WWOX: variants seen among roughly 807,000 people sequenced by gnomAD.
The protein encoded by WWOX is WW domain-containing oxidoreductase.
In WWOX, 69 loss-of-function variants were observed where a neutral mutation model predicts 46.2. The observed-to-expected ratio is 1.49, with a 90% CI of 1.23 to 1.82. The LOEUF is 1.82. WWOX is among the 40% of genes most tolerant of loss of function. The pLI, the probability that WWOX is intolerant of heterozygous loss-of-function variation, is 0.00. For missense variants in WWOX, 919 were observed against 542.6 expected (o/e 1.69, Z -6.89); for synonymous variants, 359 against 202.6 (o/e 1.77, Z -6.56).
chr16:79,096,245 A>G lies in WWOX; in HGVS notation c.1057-115363A>G, dbSNP rs77060075. On this transcript the variant is annotated intron_variant, in intron 8 of 8. Transcript: ENST00000566780. ...CAGTTCTTTCTCCACGGAGAACCAG[A>G]ATCTCCTTTGAAAATATGTTAGATC... 4.1e-4 allele frequency among the ~76,000 whole-genome samples: 62 copies of G among 151,948 alleles called. No homozygotes were observed. In the East Asian group the frequency reaches 0.011, roughly 28 times the overall value.
chr16:78,354,103 G>C (rs1226243333), intron 5 of WWOX, among the ~76,000 whole-genome samples: 1 of 152,164 alleles, frequency 6.6e-6, no homozygotes, highest in Non-Finnish European at 1.5e-5. Context: ...AAGGCTGTTT[G>C]CAGTAGTTCC....
chr16:78,875,117 G>A (rs527817797), intron 8 of WWOX, among the ~76,000 whole-genome samples: 1 of 152,234 alleles, frequency 6.6e-6, no homozygotes, highest in Admixed American at 6.5e-5. Context: ...TCTGAAGAGG[G>A]TCTCGGGCTG....
At chr16:78,892,891 G>T (rs542013997) in intron 8 of WWOX, among the ~76,000 whole-genome samples, 96 of 152,266 alleles carry the variant, frequency 6.3e-4, no homozygotes, top group Non-Finnish European at 1.2e-3. Context: ...TATCTCCTAC[G>T]CCAAGTCCTA....
chr16:78,943,966 A>T lies in WWOX; in HGVS notation c.1057-267642A>T, dbSNP rs75729981. ...TGGTTTTCTGTTGTCAGAAGAGTTC[A>T]TTTTCAGGTCCTTCACCAGATATTT... On this transcript the variant is annotated intron_variant, in intron 8 of 8. Transcript: ENST00000566780. Among the ~76,000 whole-genome samples, 1,485 of 152,270 alleles carry T rather than the reference A, an allele frequency of 9.8e-3. 22 individuals carry two copies. Among genetic ancestry groups the T allele is most frequent in the African/African-American group, 0.035 (1,434 of 41,552 alleles).
chr16:78,465,157 G>A (rs2667517), intron 8 of WWOX, among the ~76,000 whole-genome samples: 53,886 of 152,142 alleles, frequency 0.35, 12,981 homozygotes, highest in African/African-American at 0.7. Flanking sequence ...ACACATGGGA[G>A]TTCTGGGAAC....
intron 8 of WWOX, among the ~76,000 whole-genome samples, chr16:78,441,781 A>G (rs1047389015): frequency 6.6e-6 from 1 of 152,150 alleles, no homozygotes; most frequent in East Asian, 1.9e-4. Flanking sequence ...ACAGTGTGCT[A>G]GATGCTTAAG....
intron 8 of WWOX, among the ~76,000 whole-genome samples, chr16:78,852,838 C>T (rs952019611): frequency 1.3e-5 from 2 of 152,176 alleles, no homozygotes; most frequent in Non-Finnish European, 2.9e-5. Flanking sequence ...CATTTGTGGG[C>T]AGAAACTTTT....
At chr16:78,931,177 T>C (rs1411365950) in intron 8 of WWOX, among the ~76,000 whole-genome samples, 1 of 152,130 alleles carries the variant, frequency 6.6e-6, no homozygotes, top group Non-Finnish European at 1.5e-5. Flanking sequence ...TATACGCACA[T>C]CCGTAGACAG....
chr16:79,038,832 G>GAGCC (rs200758142), intron 8 of WWOX, among the ~76,000 whole-genome samples: 2,210 of 152,244 alleles, frequency 0.015, 54 homozygotes, highest in African/African-American at 0.05. Context: ...TTACAAGCAT[G>GAGCC]AGCCACTGTG....
chr16:79,208,403 G>C (rs2051594382), intron 8 of WWOX, among the ~76,000 whole-genome samples: 1 of 152,086 alleles, frequency 6.6e-6, no homozygotes, highest in African/African-American at 2.4e-5. Flanking sequence ...ATCGTTTAGG[G>C]GAACCCATAG....
At chr16:78,711,456 A>AT (rs1470422553) in intron 8 of WWOX, among the ~76,000 whole-genome samples, 4 of 152,162 alleles carry the variant, frequency 2.6e-5, no homozygotes, top group South Asian at 4.1e-4. Flanking sequence ...AATATTTAAC[A>AT]TTTTTTTGTG....
intron 5 of WWOX, 100 bp downstream of exon 5, chr16:78,164,389 G>T: frequency 2.9e-6 from 3 of 1,033,842 alleles, no homozygotes; most frequent in Non-Finnish European, 4.4e-6. Context: ...TATTGCTCTT[G>T]GAATCATGTC....
At chr16:78,833,471 C>T (rs933983917) in intron 8 of WWOX, among the ~76,000 whole-genome samples, 2 of 152,084 alleles carry the variant, frequency 1.3e-5, no homozygotes, top group African/African-American at 4.8e-5. Flanking sequence ...TCTCCTTCCT[C>T]ATCATTGTCC....
chr16:78,810,216 A>G (rs191063192), intron 8 of WWOX, among the ~76,000 whole-genome samples: 1 of 152,234 alleles, frequency 6.6e-6, no homozygotes, highest in Non-Finnish European at 1.5e-5. Context: ...TACACTGAAA[A>G]TTTCAAAACA....
intron 8 of WWOX, among the ~76,000 whole-genome samples, chr16:78,565,639 C>G (rs2044546353): frequency 6.6e-6 from 1 of 152,202 alleles, no homozygotes; most frequent in Admixed American, 6.5e-5. Flanking sequence ...TGGCTGATGA[C>G]AGAGTCACAA....
Position 78,386,840 on chromosome 16 carries a change from T to G in WWOX, c.517-20T>G. The G allele has an allele frequency of 6.2e-7, 1 of 1,606,122 alleles. No individual in the cohort carries two copies. Among genetic ancestry groups the G allele is most frequent in the Non-Finnish European group, 8.5e-7 (1 of 1,172,556 alleles). The stretch of plus-strand genomic sequence containing the variant: ...CACTTGCTGTTATTTATCATTTCTT[T>G]TTATTTTCTCTCATTGCAGCATAAA... On this transcript the variant is annotated intron_variant, in intron 5 of 8. Transcript: ENST00000566780.
At chr16:79,094,178 C>T (rs2049021449) in intron 8 of WWOX, among the ~76,000 whole-genome samples, 1 of 151,894 alleles carries the variant, frequency 6.6e-6, no homozygotes, top group Non-Finnish European at 1.5e-5. Context: ...TGCAAAAGTT[C>T]GTCGTGTGCC....
intron 8 of WWOX, among the ~76,000 whole-genome samples, chr16:79,111,974 C>G (rs1227794410): frequency 6.6e-6 from 1 of 152,086 alleles, no homozygotes; most frequent in Non-Finnish European, 1.5e-5. Context: ...TCATAGGACC[C>G]TGTTAAGCAC....
intron 8 of WWOX, among the ~76,000 whole-genome samples, chr16:78,751,332 AAG>A (rs2049470555): frequency 3.3e-5 from 5 of 150,906 alleles, no homozygotes; most frequent in Admixed American, 2.6e-4. Context: ...GTCAAAAGCA[AAG>A]AGTTTTCAAC....
Sources: allele counts gnomAD v4.1 joint callset (sites outside exome capture counted in the v4.1 genomes callset), GRCh38; gene constraint gnomAD v4.1.1; transcripts MANE v1.5; gene names NCBI Gene and HGNC (gene_info 2026-07-23, HGNC 2026-07-21).